The following SLC16A10 variants were observed in gnomAD, a reference collection of about 807,000 sequenced individuals.
The protein encoded by SLC16A10 is solute carrier family 16 member 10.
Under a neutral mutation model 40.0 loss-of-function variants are expected in SLC16A10, and 27 were observed. That is an observed-to-expected ratio of 0.67 (90% CI 0.50 to 0.93). The LOEUF is 0.93. SLC16A10 is among the 40% of genes least tolerant of loss of function. The pLI is 0.00. For synonymous variants in SLC16A10, 213 were observed against 249.8 expected (o/e 0.85, Z 1.39); for missense variants, 529 against 658.2 (o/e 0.80, Z 2.15).
intron 5 of SLC16A10, among the ~76,000 whole-genome samples, 187 bp downstream of exon 5, chr6:111,219,229 A>T (rs867421615): frequency 6.6e-6 from 1 of 152,304 alleles, no homozygotes; most frequent in Middle Eastern, 3.4e-3. Flanking sequence ...GAATTTGCTG[A>T]AGAGTCCCTC....
intron 1 of SLC16A10, among the ~76,000 whole-genome samples, chr6:111,156,311 A>G (rs1772269059): frequency 6.6e-6 from 1 of 152,194 alleles, no homozygotes; most frequent in Admixed American, 6.5e-5. Context: ...CTGCTTAGTG[A>G]CTTCCTTCCA....
intron 1 of SLC16A10, among the ~76,000 whole-genome samples, chr6:111,130,471 TC>T (rs1454156710): frequency 1.3e-5 from 2 of 152,154 alleles, no homozygotes; most frequent in Admixed American, 6.5e-5. Context: ...TTTGATGGAC[TC>T]CCCCTTTTTG....
intron 1 of SLC16A10, among the ~76,000 whole-genome samples, chr6:111,157,872 T>G (rs145196994): frequency 4.6e-4 from 69 of 150,754 alleles, no homozygotes; most frequent in African/African-American, 1.6e-3. Flanking sequence ...AGAGTATCAG[T>G]ACTATGATCC....
intron 1 of SLC16A10, among the ~76,000 whole-genome samples, chr6:111,139,368 C>T (rs1440479166): frequency 6.6e-6 from 1 of 152,002 alleles, no homozygotes; most frequent in African/African-American, 2.4e-5. Context: ...GTGGCGTGAT[C>T]TCGGCTCACT....
chr6:111,141,228 C>G (rs1771976908), intron 1 of SLC16A10, among the ~76,000 whole-genome samples: 1 of 151,942 alleles, frequency 6.6e-6, no homozygotes, highest in Admixed American at 6.6e-5. Flanking sequence ...AATTATTTAC[C>G]TTTATTTTAG....
intron 3 of SLC16A10, 76 bp from the exon 4 acceptor site, chr6:111,206,516 G>A (rs1773257270): frequency 6.6e-7 from 1 of 1,512,372 alleles, no homozygotes; most frequent in Admixed American, 1.8e-5. Context: ...AGAAGCAAAT[G>A]CATTTGATGC....
chr6:111,217,754 A>G (rs762586469), intron 4 of SLC16A10, among the ~76,000 whole-genome samples: 1 of 152,096 alleles, frequency 6.6e-6, no homozygotes, highest in African/African-American at 2.4e-5. Flanking sequence ...CCGGCCATGA[A>G]TGGTTCAGTT....
chr6:111,168,269 C>T (rs1772515904), intron 1 of SLC16A10, among the ~76,000 whole-genome samples: 1 of 152,184 alleles, frequency 6.6e-6, no homozygotes, highest in South Asian at 2.1e-4. Context: ...TGTGAGCCAA[C>T]ACGCCTGGCC....
intron 1 of SLC16A10, among the ~76,000 whole-genome samples, chr6:111,100,021 C>CAAAAAAAAAAAAAAAAAAAAA (rs56154710): frequency 8.9e-6 from 1 of 112,592 alleles, no homozygotes; most frequent in Non-Finnish European, 1.8e-5. Flanking sequence ...GACCCTGTCT[C>CAAAAAAAAAAAAAAAAAAAAA]AAAAAAAAAA....
rs900420035 is a variant in SLC16A10, at chr6:111,222,894, C to A, written c.*659C>A. 2.0e-5 allele frequency: 3 copies of A among 152,240 alleles called. No individual in the cohort carries two copies. Among genetic ancestry groups the A allele is most frequent in the Admixed American group, 2.0e-4 (3 of 15,276 alleles). 9.4% of individuals were successfully genotyped at this position (152,240 alleles called of 1,614,324 possible). ...GGAGGATCCTGAGCTGTTCAGAAATCATTTAAGTTTACAGCGTTGTTCCCT... is the reference window on the plus strand; with the variant it reads ...GGAGGATCCTGAGCTGTTCAGAAATAATTTAAGTTTACAGCGTTGTTCCCT... On this transcript the variant is annotated 3_prime_UTR_variant, in exon 6 of 6. Transcript: ENST00000368851.
At chr6:111,117,684 T>C (rs1360055170) in intron 1 of SLC16A10, among the ~76,000 whole-genome samples, 1 of 152,226 alleles carries the variant, frequency 6.6e-6, no homozygotes, top group East Asian at 1.9e-4. Flanking sequence ...CCACAGATCC[T>C]GTAATTAACT....
chr6:111,090,264 A>C (rs1770951137), intron 1 of SLC16A10, among the ~76,000 whole-genome samples: 1 of 152,202 alleles, frequency 6.6e-6, no homozygotes, highest in Admixed American at 6.5e-5. Flanking sequence ...AAATGTGTGA[A>C]GATCTTTGTG....
chr6:111,208,129 T>C (rs1350782226), intron 4 of SLC16A10, among the ~76,000 whole-genome samples: 1 of 151,704 alleles, frequency 6.6e-6, no homozygotes, highest in Non-Finnish European at 1.5e-5. Flanking sequence ...CCACCATGCC[T>C]GGCTAATTTT....
rs1772708777 is a variant in SLC16A10, at chr6:111,177,512, T to C, written c.789T>C (p.Ser263=). The part of the protein sequence containing the change: ...PLATSTKDKE[S]GGSGSSLFSR... ...CTACCAGTACCAAAGATAAAGAGAG[T>C]GGAGGTAGCGGATCCTCCCTCTTTT... Residue 263 remains serine (S), a synonymous_variant, in exon 3 of 6, where the codon AGT becomes AGC. Transcript: ENST00000368851. 6.2e-7 allele frequency: 1 copy of C among 1,613,964 alleles called. No homozygotes were observed. The highest frequency in any genetic ancestry group is 1.3e-5 in the African/African-American group (1 of 75,000).
At chr6:111,143,411 C>T (rs1772019962) in intron 1 of SLC16A10, among the ~76,000 whole-genome samples, 1 of 151,922 alleles carries the variant, frequency 6.6e-6, no homozygotes, top group African/African-American at 2.4e-5. Flanking sequence ...GAGACAAGGC[C>T]TTGCTTTTTA....
rs1043012871 is a variant in SLC16A10 at position 111,229,284 on chromosome 6, A to T, written c.*7049A>T. 4 of 152,208 alleles carry T rather than the reference A, an allele frequency of 2.6e-5. No homozygotes were observed. Among genetic ancestry groups the T allele is most frequent in the African/African-American group, 9.6e-5 (4 of 41,454 alleles). 9.4% of individuals were successfully genotyped at this position (152,208 alleles called of 1,614,324 possible). On this transcript the variant is annotated 3_prime_UTR_variant, in exon 6 of 6. Transcript: ENST00000368851. ...AAAAAAGCTCACCTATACAGTGATTATTGAGTTCCAGTATCTAGTTAGAGG... is the reference window on the plus strand; with the variant it reads ...AAAAAAGCTCACCTATACAGTGATTTTTGAGTTCCAGTATCTAGTTAGAGG...
rs1770949763 is a variant in SLC16A10 at position 111,224,141 on chromosome 6, AG to A, written c.*1908del. The stretch of plus-strand genomic sequence containing the variant: ...TGTAGCCCCAGCTACTCAGAGGCTG[AG>A]GTAGTGGAAGGATTGCTTGAGCCTT... On this transcript the variant is annotated 3_prime_UTR_variant, in exon 6 of 6. Coordinates refer to ENST00000368851, the MANE Select transcript of SLC16A10 (RefSeq NM_018593.5). The A allele has an allele frequency of 1.1e-5, 1 of 94,868 alleles. No individual in the cohort carries two copies. The allele number at this position is 94,868 out of a possible 1,614,324, so 5.9% of individuals were successfully genotyped here. A position where few individuals can be genotyped will look rare whatever the true frequency, so the allele number is the denominator to read the frequency against.
intron 1 of SLC16A10, among the ~76,000 whole-genome samples, chr6:111,163,388 G>A (rs1000761104): frequency 7.3e-5 from 11 of 151,656 alleles, no homozygotes; most frequent in Non-Finnish European, 1.2e-4. Context: ...TCCTGACCTC[G>A]TGATCCGCCC....
At chr6:111,136,523 G>A (rs1771880352) in intron 1 of SLC16A10, among the ~76,000 whole-genome samples, 1 of 152,214 alleles carries the variant, frequency 6.6e-6, no homozygotes, top group Non-Finnish European at 1.5e-5. Context: ...TAAATATCAG[G>A]CTCTATTACT....
Sources: allele counts gnomAD v4.1 joint callset (sites outside exome capture counted in the v4.1 genomes callset), GRCh38; gene constraint gnomAD v4.1.1; transcripts MANE v1.5; gene names NCBI Gene and HGNC (gene_info 2026-07-23, HGNC 2026-07-21).